The following TAB2 variants were observed in gnomAD, a reference collection of about 807,000 sequenced individuals.
TAB2 encodes TGF-beta activated kinase 1 (MAP3K7) binding protein 2.
TAB2 carries 3 observed loss-of-function variants against 65.0 expected under a neutral mutation model. That is an observed-to-expected ratio of 0.05 (90% CI 0.02 to 0.12). TAB2 has a LOEUF of 0.12. Among genes scored for constraint, TAB2 ranks in the 10% least tolerant of loss-of-function variants. TAB2 has a pLI of 1.00. For missense variants in TAB2, 623 were observed against 840.3 expected (o/e 0.74, Z 3.20); for synonymous variants, 298 against 285.1 (o/e 1.05, Z -0.46).
At chr6:149,391,717 T>A (rs1229241263) in intron 3 of TAB2, among the ~76,000 whole-genome samples, 2 of 151,792 alleles carry the variant, frequency 1.3e-5, no homozygotes, top group African/African-American at 4.8e-5. Context: ...AATTTTTTAA[T>A]TTTTTTGTAG....
chr6:149,218,007 G>C (rs1777058699), upstream of TAB2: 2 of 152,176 alleles, frequency 1.3e-5, no homozygotes, highest in Non-Finnish European at 2.9e-5. Context: ...ACAACCATGA[G>C]AATGGAGGCC....
intron 1 of TAB2, among the ~76,000 whole-genome samples, chr6:149,268,766 A>G (rs923747660): frequency 6.6e-6 from 1 of 152,210 alleles, no homozygotes; most frequent in Non-Finnish European, 1.5e-5. Context: ...TTTCTTGTAT[A>G]TGACTATCTT....
At chr6:149,290,209 T>C (rs1384215134) in intron 1 of TAB2, among the ~76,000 whole-genome samples, 2 of 152,248 alleles carry the variant, frequency 1.3e-5, no homozygotes, top group East Asian at 3.9e-4. Flanking sequence ...TTTTTCAGGT[T>C]AACTTTGGAA....
Position 149,378,938 on chromosome 6 carries a change from G to C in TAB2, c.1023G>C (p.Leu341=). The C allele has an allele frequency of 6.2e-7, 1 of 1,614,076 alleles. No individual in the cohort carries two copies. The highest frequency in any genetic ancestry group is 8.5e-7 in the Non-Finnish European group (1 of 1,180,024). ...CACAAAGAAATAATTCTTCAAAACT[G>C]CGTTCTTCTGGACCTCGAACCTCCA... The part of the protein sequence containing the change: ...EPPQRNNSSK[L]RSSGPRTSST... The change falls in exon 3 of 7, where the codon CTG becomes CTC. Residue 341 remains leucine (L), a synonymous_variant. Coordinates refer to ENST00000637181, the MANE Select transcript of TAB2 (RefSeq NM_001292034.3).
chr6:149,277,069 G>A (rs1322403897), intron 1 of TAB2, among the ~76,000 whole-genome samples: 1 of 152,196 alleles, frequency 6.6e-6, no homozygotes. Context: ...CATGTAAGAT[G>A]TGACTTTGAT....
At chr6:149,299,480 G>A (rs1337923776) in intron 1 of TAB2, among the ~76,000 whole-genome samples, 2 of 152,210 alleles carry the variant, frequency 1.3e-5, no homozygotes, top group Non-Finnish European at 2.9e-5. Context: ...GCTGAGGCAA[G>A]AGAATCACTT....
At position 149,275,286 on chromosome 6, in the gene TAB2, A is replaced by AAGAAAGAT. The variant is rs1554255843; in HGVS notation, c.-121+56517_-121+56518insTAGAAAGA. Reference sequence around the variant, plus strand: ...AAAGAAAGAAAGAAAGAAAGAAAGAAAGAAAGAAAGAAAGAGAAAAAAGAA... The same window carrying AAGAAAGAT: ...AAAGAAAGAAAGAAAGAAAGAAAGAAAGAAAGATAGAAAGAAAGAAAGAGAAAAAAGAA... On this transcript the variant is annotated intron_variant, in intron 1 of 1. Coordinates refer to the TAB2 transcript ENST00000606202. Among the ~76,000 whole-genome samples, 136 of 146,732 alleles carry AAGAAAGAT rather than the reference A, an allele frequency of 9.3e-4. 2 individuals are homozygous for AAGAAAGAT. Among genetic ancestry groups the AAGAAAGAT allele is most frequent in the African/African-American group, 3.3e-3 (132 of 40,052 alleles).
At chr6:149,361,021 G>C (rs1424530213) in intron 1 of TAB2, among the ~76,000 whole-genome samples, 4 of 152,226 alleles carry the variant, frequency 2.6e-5, no homozygotes, top group African/African-American at 9.6e-5. Flanking sequence ...GCCACGGCAG[G>C]TGTTCTCGTG....
rs9968902 is a variant in TAB2 at position 149,240,729 on chromosome 6, T to C, written c.-121+21953T>C. 5.1e-3 allele frequency among the ~76,000 whole-genome samples: 771 copies of C among 152,300 alleles called. 4 individuals are homozygous for C. The highest frequency in any genetic ancestry group is 0.018 in the African/African-American group (737 of 41,564). On this transcript the variant is annotated intron_variant, in intron 1 of 1. Coordinates refer to the TAB2 transcript ENST00000606202. ...GTTTTAAGTGTAATGTCTGTCCAATTTTGTTTATTATTTTTGGGCTAACAT... is the reference window on the plus strand; with the variant it reads ...GTTTTAAGTGTAATGTCTGTCCAATCTTGTTTATTATTTTTGGGCTAACAT...
chr6:149,350,757 G>A (rs1780464831), intron 1 of TAB2, among the ~76,000 whole-genome samples: 1 of 151,578 alleles, frequency 6.6e-6, no homozygotes, highest in South Asian at 2.1e-4. Context: ...TGGGACTACA[G>A]GCATGTGCCA....
At chr6:149,374,976 A>T (rs983307029) in intron 2 of TAB2, among the ~76,000 whole-genome samples, 1 of 152,258 alleles carries the variant, frequency 6.6e-6, no homozygotes, top group Non-Finnish European at 1.5e-5. Flanking sequence ...CCTTATTTAG[A>T]TCCTGATTTA....
At chr6:149,248,428 A>AAAGGAAGG (rs377016044) in intron 1 of TAB2, among the ~76,000 whole-genome samples, 33,077 of 117,328 alleles carry the variant, frequency 0.28, 5,285 homozygotes, top group Admixed American at 0.4. Flanking sequence ...AAAAAGAAAG[A>AAAGGAAGG]AAGGAAGGAA....
At chr6:149,302,602 C>G (rs1778988991) in intron 1 of TAB2, among the ~76,000 whole-genome samples, 2 of 152,224 alleles carry the variant, frequency 1.3e-5, no homozygotes, top group African/African-American at 4.8e-5. Context: ...GTAGACTCTT[C>G]TGATGATGGA....
chr6:149,402,131 AAAAG>A (rs1407864610), intron 6 of TAB2, among the ~76,000 whole-genome samples: 1 of 152,060 alleles, frequency 6.6e-6, no homozygotes, highest in African/African-American at 2.4e-5. Flanking sequence ...AAACAACAGA[AAAAG>A]AAATAGTAAA....
In TAB2 at chr6:149,379,436, G is replaced by A. The variant is rs141710532; in HGVS notation, c.1521G>A (p.Thr507=). 4.3e-5 allele frequency: 70 copies of A among 1,613,938 alleles called. No homozygotes were observed. The highest frequency in any genetic ancestry group is 9.3e-5 in the African/African-American group (7 of 74,956). Residue 507 remains threonine (T), a synonymous_variant, in exon 3 of 7, where the codon ACG becomes ACA. Coordinates refer to ENST00000637181, the MANE Select transcript of TAB2 (RefSeq NM_001292034.3). ...YVETENIQHL[T]DPTLAHVDRI... ...AAACCGAGAATATTCAGCACCTCAC[G>A]GACCCTACATTAGCACATGTGGATA...
intron 1 of TAB2, among the ~76,000 whole-genome samples, chr6:149,307,034 A>G (rs1186361579): frequency 6.6e-6 from 1 of 152,148 alleles, no homozygotes; most frequent in Non-Finnish European, 1.5e-5. Flanking sequence ...CAGATTCCTT[A>G]CAATCACCCC....
At chr6:149,373,590 T>A (rs1781302192) in intron 2 of TAB2, among the ~76,000 whole-genome samples, 1 of 152,202 alleles carries the variant, frequency 6.6e-6, no homozygotes, top group South Asian at 2.1e-4. Context: ...ATGAATGCCA[T>A]AGGGTATATA....
At chr6:149,374,703 T>C (rs908985045) in intron 2 of TAB2, among the ~76,000 whole-genome samples, 5 of 152,226 alleles carry the variant, frequency 3.3e-5, no homozygotes, top group Non-Finnish European at 7.3e-5. Context: ...TGTCTCCTTG[T>C]ATGATTTGAC....
chr6:149,287,401 G>T (rs1336821074), intron 1 of TAB2, among the ~76,000 whole-genome samples: 3 of 151,082 alleles, frequency 2.0e-5, no homozygotes, highest in African/African-American at 7.3e-5. Context: ...AATGCTCCCA[G>T]AAATATTAAA....
Sources: gnomAD v4.1 joint callset for allele counts (sites outside exome capture counted in the v4.1 genomes callset) on GRCh38, gnomAD v4.1.1 for gene constraint, MANE v1.5 for transcripts, NCBI Gene and HGNC (gene_info 2026-07-23, HGNC 2026-07-21) for gene names.